BFAR: variants seen among roughly 807,000 people sequenced by gnomAD.
The protein encoded by BFAR is bifunctional apoptosis regulator.
Under a neutral mutation model 54.4 loss-of-function variants are expected in BFAR, and 52 were observed. The ratio of observed to expected loss-of-function variants is 0.96; its 90% CI spans 0.77 to 1.21. The LOEUF is 1.21. Among genes scored for constraint, BFAR ranks in the 50% most tolerant of loss-of-function variants. The probability of loss-of-function intolerance (pLI) is 0.00; values close to 1 mark genes in which losing one functional copy is unlikely to be tolerated. For missense variants in BFAR, 571 were observed against 534.0 expected (o/e 1.07, Z -0.68); for synonymous variants, 215 against 204.3 (o/e 1.05, Z -0.45).
rs1236799372 is a variant in BFAR at position 14,664,980 on chromosome 16, T to C, written c.1069T>C (p.Trp357Arg). Residue 357 changes from tryptophan (W) to arginine (R), a missense_variant, in exon 7 of 8, where the codon TGG becomes CGG. By Grantham distance (101) the Trp-to-Arg change is moderately radical (BLOSUM62 -3). Transcript: ENST00000261658. The part of the protein sequence containing the change: ...FAWDWLEVHY[W>R]TSRFLIINAM... Reference sequence around the variant, plus strand: ...TTGGGACTGGTTGGAGGTCCATTACTGGACATCACGGTTTCTCATCATCAA... The same window carrying C: ...TTGGGACTGGTTGGAGGTCCATTACCGGACATCACGGTTTCTCATCATCAA... The C allele has an allele frequency of 2.5e-6, 4 of 1,613,910 alleles. No individual in the cohort carries two copies. The highest frequency in any genetic ancestry group is 2.7e-5 in the African/African-American group (2 of 74,952).
intron 2 of BFAR, among the ~76,000 whole-genome samples, chr16:14,648,101 C>T (rs1003689407): frequency 6.6e-6 from 1 of 151,850 alleles, no homozygotes. Context: ...AAAAGTTATC[C>T]GGGTATGGTG....
chr16:14,657,199 G>A (rs1241618789), intron 5 of BFAR, among the ~76,000 whole-genome samples: 1 of 152,036 alleles, frequency 6.6e-6, no homozygotes, highest in Admixed American at 6.6e-5. Flanking sequence ...TGGAGCTCCT[G>A]AAATAGAATG....
At chr16:14,661,236 AT>A (rs1268647919) in intron 5 of BFAR, among the ~76,000 whole-genome samples, 2 of 152,168 alleles carry the variant, frequency 1.3e-5, no homozygotes, top group Non-Finnish European at 2.9e-5. Context: ...GATTATTTGC[AT>A]TAAGTGGTGC....
chr16:14,637,014 T>C (rs756477722), intron 1 of BFAR, among the ~76,000 whole-genome samples: 2 of 152,190 alleles, frequency 1.3e-5, no homozygotes, highest in Non-Finnish European at 2.9e-5. Context: ...GGCAGAAGAA[T>C]TTTTCTTAGT....
At chr16:14,654,280 A>G (rs1327687818) in intron 4 of BFAR, among the ~76,000 whole-genome samples, 1 of 151,714 alleles carries the variant, frequency 6.6e-6, no homozygotes, top group African/African-American at 2.4e-5. Flanking sequence ...CAAAGTGCGA[A>G]CTATTCTTAA....
Position 14,648,493 on chromosome 16 carries a change from G to A in BFAR, c.369G>A (p.Gly123=), listed in dbSNP as rs375293504. The part of the protein sequence containing the change: ...VQSLAAFQKY[G]NDQIPLAPNT... ...GTCTTGCAGCCTTTCAGAAATATGG[G>A]AATGATCAGATTCCTTTAGCTCCTA... is the stretch of plus-strand genomic sequence containing the variant. The change falls in exon 3 of 8, where the codon GGG becomes GGA. Residue 123 remains glycine (G), a synonymous_variant. Transcript: ENST00000261658. The A allele has an allele frequency of 1.9e-6, 3 of 1,613,822 alleles. No individual in the cohort carries two copies. The highest frequency in any genetic ancestry group is 1.7e-6 in the Non-Finnish European group (2 of 1,179,744).
chr16:14,658,485 T>C (rs867599424), intron 5 of BFAR, among the ~76,000 whole-genome samples: 31 of 152,048 alleles, frequency 2.0e-4, no homozygotes, highest in African/African-American at 7.2e-4. Context: ...TGCTGTTTGT[T>C]AGAAAGGAAA....
chr16:14,656,607 A>G (rs1194784476), intron 5 of BFAR, among the ~76,000 whole-genome samples: 2 of 152,096 alleles, frequency 1.3e-5, no homozygotes, highest in Non-Finnish European at 2.9e-5. Flanking sequence ...CCTCCTGGGT[A>G]AATAACCTTA....
intron 6 of BFAR, 66 bp downstream of exon 6, chr16:14,662,131 C>T: frequency 5.1e-6 from 8 of 1,562,346 alleles, no homozygotes; most frequent in African/African-American, 1.4e-5. Flanking sequence ...GATTGCTACC[C>T]ACCATGGGTG....
At chr16:14,649,736 C>A (rs1959911119) in intron 3 of BFAR, 68 bp from the exon 4 acceptor site, 2 of 1,405,186 alleles carry the variant, frequency 1.4e-6, no homozygotes, top group African/African-American at 1.4e-5. Flanking sequence ...CCCCACCTCC[C>A]ACCCGCATAT....
intron 1 of BFAR, among the ~76,000 whole-genome samples, chr16:14,638,670 G>A (rs544227905): frequency 1.1e-4 from 16 of 152,344 alleles, no homozygotes; most frequent in African/African-American, 3.6e-4. Context: ...CTTAGCCTGG[G>A]TGCAGTGGCT....
At chr16:14,645,858 C>T (rs1205071838) in intron 2 of BFAR, among the ~76,000 whole-genome samples, 1 of 152,062 alleles carries the variant, frequency 6.6e-6, no homozygotes, top group Non-Finnish European at 1.5e-5. Flanking sequence ...CATACACACA[C>T]ATACATACAT....
intron 4 of BFAR, among the ~76,000 whole-genome samples, chr16:14,650,860 C>CT (rs1369873767): frequency 6.6e-6 from 1 of 152,182 alleles, no homozygotes; most frequent in Non-Finnish European, 1.5e-5. Context: ...AGTGGAATGA[C>CT]TGAGTCATAT....
At chr16:14,640,604 G>T (rs1217840545) in intron 1 of BFAR, among the ~76,000 whole-genome samples, 2 of 152,218 alleles carry the variant, frequency 1.3e-5, no homozygotes, top group African/African-American at 4.8e-5. Context: ...GCCAGGTGTT[G>T]CCCTGGTAGG....
Position 14,649,900 on chromosome 16 carries a change from CT to C in BFAR, c.566del (p.Leu189ProfsTer22), listed in dbSNP as rs1959918359. The C allele has an allele frequency of 6.2e-7, 1 of 1,613,700 alleles. No homozygotes were observed. Among genetic ancestry groups the C allele is most frequent in the Non-Finnish European group, 8.5e-7 (1 of 1,179,860 alleles). ...CAAATGGACGGCGGAAGAAGTTGTC[CT>C]CTGGCTGGAGCAGCTGGGCCCTTGG... Reference protein sequence around the residue: ...VAKWTAEEVVLWLEQLGPWAS... With the variant: ...VAKWTAEEVVXWLEQLGPWAS... On this transcript the variant is annotated frameshift_variant, in exon 4 of 8. Coordinates refer to ENST00000261658, the MANE Select transcript of BFAR (RefSeq NM_016561.3). LOFTEE classifies it high-confidence loss of function.
chr16:14,667,439 T>TC (rs1960472015), intron 7 of BFAR, 196 bp from the exon 8 acceptor site: 1 of 542,786 alleles, frequency 1.8e-6, no homozygotes, highest in Non-Finnish European at 3.2e-6. Context: ...GCAAAGAAGC[T>TC]CCCTGTAGGT....
At chr16:14,643,133 C>T (rs554005419) in intron 1 of BFAR, among the ~76,000 whole-genome samples, 39 of 152,112 alleles carry the variant, frequency 2.6e-4, no homozygotes, top group Admixed American at 1.2e-3. Flanking sequence ...GCCAACATGG[C>T]GAAAACCCGT....
At chr16:14,654,006 CTTTTT>C (rs776274046) in intron 4 of BFAR, among the ~76,000 whole-genome samples, 3 of 121,484 alleles carry the variant, frequency 2.5e-5, no homozygotes, top group Non-Finnish European at 3.4e-5. Context: ...CATCTAAGAA[CTTTTT>C]TTTTTTTTTT....
chr16:14,657,898 T>A (rs1249577422), intron 5 of BFAR, among the ~76,000 whole-genome samples: 4 of 151,848 alleles, frequency 2.6e-5, no homozygotes, highest in African/African-American at 7.2e-5. Flanking sequence ...TAAAAAAAAA[T>A]TTTTTTTTGA....
Sources: allele counts gnomAD v4.1 joint callset (sites outside exome capture counted in the v4.1 genomes callset), GRCh38; gene constraint gnomAD v4.1.1; transcripts MANE v1.5; gene names NCBI Gene and HGNC (gene_info 2026-07-23, HGNC 2026-07-21).